BOLL: variants seen among roughly 807,000 people sequenced by gnomAD.
BOLL encodes boule RNA binding protein.
BOLL carries 23 observed loss-of-function variants against 44.4 expected under a neutral mutation model. The ratio of observed to expected loss-of-function variants is 0.52; its 90% CI spans 0.37 to 0.73. BOLL has a LOEUF of 0.73. Among genes scored for constraint, BOLL ranks in the 30% least tolerant of loss-of-function variants. The pLI, the probability that BOLL is intolerant of heterozygous loss-of-function variation, is 0.00. For synonymous variants in BOLL, 97 were observed against 110.8 expected, an observed-to-expected ratio of 0.88 and a Z score of 0.78; for missense variants, 287 against 338.3, an observed-to-expected ratio of 0.85 and a Z score of 1.19.
At chr2:197,755,963 T>C (rs1688500429) in intron 9 of BOLL, 1 of 152,240 alleles carries the variant, frequency 6.6e-6, no homozygotes, top group African/African-American at 2.4e-5. Flanking sequence ...ATGGTGAAGC[T>C]ATAAGTAACG....
intron 1 of BOLL, among the ~76,000 whole-genome samples, chr2:197,784,296 A>G (rs1283190881): frequency 1.3e-5 from 2 of 150,650 alleles, no homozygotes; most frequent in African/African-American, 4.9e-5. Flanking sequence ...TATCTGTTGA[A>G]TGACTAAAAG....
chr2:197,783,709 C>T (rs61468171), intron 1 of BOLL, among the ~76,000 whole-genome samples: 4 of 152,180 alleles, frequency 2.6e-5, no homozygotes, highest in Non-Finnish European at 5.9e-5. Flanking sequence ...TTTGTGACTT[C>T]AGTCACTTCG....
At chr2:197,744,411 G>T (rs1378235013) in intron 9 of BOLL, among the ~76,000 whole-genome samples, 1 of 152,212 alleles carries the variant, frequency 6.6e-6, no homozygotes, top group Non-Finnish European at 1.5e-5. Context: ...TGGAAACCAA[G>T]GGTAGGAAGA....
intron 10 of BOLL, among the ~76,000 whole-genome samples, chr2:197,729,517 C>T (rs1687041091): frequency 6.6e-6 from 1 of 152,198 alleles, no homozygotes; most frequent in Non-Finnish European, 1.5e-5. Flanking sequence ...GGGCAGGGCA[C>T]AGACAAACAA....
intron 3 of BOLL, 118 bp downstream of exon 3, chr2:197,778,857 G>T: frequency 1.4e-6 from 1 of 735,156 alleles, no homozygotes; most frequent in Non-Finnish European, 2.2e-6. Flanking sequence ...TAGGAGGAAA[G>T]AAGAGGGCAT....
At chr2:197,772,222 G>A (rs1689300093) in intron 5 of BOLL, among the ~76,000 whole-genome samples, 1 of 151,832 alleles carries the variant, frequency 6.6e-6, no homozygotes, top group Admixed American at 6.6e-5. Flanking sequence ...AAAACAATAC[G>A]AATAAGAAAT....
intron 6 of BOLL, among the ~76,000 whole-genome samples, chr2:197,767,789 T>C (rs1234060513): frequency 6.6e-6 from 1 of 152,014 alleles, no homozygotes; most frequent in Non-Finnish European, 1.5e-5. Flanking sequence ...AAAGTCTGGT[T>C]AAGAGTATCT....
chr2:197,747,358 C>A (rs977402183), intron 9 of BOLL, among the ~76,000 whole-genome samples: 2 of 151,776 alleles, frequency 1.3e-5, no homozygotes, highest in Non-Finnish European at 2.9e-5. Context: ...CCGAGGCAGG[C>A]TGATTACGAG....
chr2:197,759,090 C>G (rs930846983), intron 7 of BOLL: 13 of 1,050,208 alleles, frequency 1.2e-5, no homozygotes, highest in Admixed American at 2.2e-5. Context: ...CTCCCCACCC[C>G]GCCACAAGAA....
chr2:197,729,732 A>G (rs1687057856), intron 10 of BOLL, among the ~76,000 whole-genome samples: 1 of 152,126 alleles, frequency 6.6e-6, no homozygotes, highest in African/African-American at 2.4e-5. Context: ...GGGTATTCCA[A>G]CAGACCTGCA....
intron 5 of BOLL, chr2:197,774,102 T>A (rs1200586070): frequency 2.5e-6 from 1 of 403,446 alleles, no homozygotes. Flanking sequence ...ACCCCATACT[T>A]CTTAAAGTTG....
intron 3 of BOLL, 107 bp from the exon 4 acceptor site, chr2:197,777,220 G>C: frequency 8.2e-6 from 5 of 606,512 alleles, no homozygotes; most frequent in Non-Finnish European, 1.0e-5. Flanking sequence ...GCCACTGTAG[G>C]AGTAGGCATG....
At chr2:197,741,641 C>T (rs1366525147) in intron 10 of BOLL, among the ~76,000 whole-genome samples, 3 of 152,060 alleles carry the variant, frequency 2.0e-5, no homozygotes, top group African/African-American at 7.2e-5. Flanking sequence ...CCCTTCCTTA[C>T]ACCTTATACA....
chr2:197,784,434 A>C (rs1434667753), intron 1 of BOLL, among the ~76,000 whole-genome samples: 1 of 76,378 alleles, frequency 1.3e-5, no homozygotes, highest in African/African-American at 4.7e-5. Flanking sequence ...ATATATATAT[A>C]TATATATATA....
chr2:197,731,225 A>G (rs1687158592), intron 10 of BOLL, among the ~76,000 whole-genome samples: 1 of 152,002 alleles, frequency 6.6e-6, no homozygotes, highest in African/African-American at 2.4e-5. Context: ...GAAGGCCATT[A>G]CATAATGGTA....
In BOLL at chr2:197,778,805, T is replaced by TACACACACAC. The variant is rs71964015; in HGVS notation, c.221+160_221+169dup. Among the ~76,000 whole-genome samples, 515 of 143,548 alleles carry TACACACACAC rather than the reference T, an allele frequency of 3.6e-3. 4 individuals are homozygous for TACACACACAC. Among genetic ancestry groups the TACACACACAC allele is most frequent in the African/African-American group, 0.012 (490 of 39,596 alleles). The allele number at this position is 143,548 out of a possible 152,430, so 94.2% of individuals were successfully genotyped here. ...ATTACAGTGTCTCCTCCCTCCAAAA[T>TACACACACAC]ACACACACACACACACACACACACA... On this transcript the variant is annotated intron_variant, in intron 3 of 10. Transcript: ENST00000392296.
chr2:197,751,015 A>C (rs1047846816), intron 9 of BOLL, among the ~76,000 whole-genome samples: 1 of 152,210 alleles, frequency 6.6e-6, no homozygotes, highest in Admixed American at 6.5e-5. Flanking sequence ...ACACAACTAC[A>C]TGGAAACTGA....
chr2:197,758,800 T>C (rs995294955), intron 7 of BOLL: 37 of 576,656 alleles, frequency 6.4e-5, no homozygotes, highest in Admixed American at 4.2e-4. Flanking sequence ...TTAATATAAA[T>C]TATGTTAAAT....
intron 9 of BOLL, among the ~76,000 whole-genome samples, chr2:197,753,392 T>A (rs1688355763): frequency 6.6e-6 from 1 of 152,176 alleles, no homozygotes. Flanking sequence ...TCTATCCATC[T>A]GACAATAGGC....
Sources: gnomAD v4.1 joint callset for allele counts (sites outside exome capture counted in the v4.1 genomes callset) on GRCh38, gnomAD v4.1.1 for gene constraint, MANE v1.5 for transcripts, NCBI Gene and HGNC (gene_info 2026-07-23, HGNC 2026-07-21) for gene names.